Variants in HMCN1 observed in about 807,000 individuals in gnomAD.
The protein encoded by HMCN1 is hemicentin-1.
Under a neutral mutation model 625.9 loss-of-function variants are expected in HMCN1, and 321 were observed. The ratio of observed to expected loss-of-function variants is 0.51; its 90% CI spans 0.47 to 0.56. HMCN1 has a LOEUF of 0.56. Ranked by LOEUF, HMCN1 falls within the 20% of genes least tolerant of loss-of-function variation. HMCN1 has a pLI of 0.00. For missense variants in HMCN1, 6,588 were observed against 6,887.3 expected (o/e 0.96, Z 1.54); for synonymous variants, 2,425 against 2,417.6 (o/e 1.00, Z -0.09).
At chr1:185,962,742 C>G in intron 12 of HMCN1, 83 bp downstream of exon 12, 1 of 822,610 alleles carries the variant, frequency 1.2e-6, no homozygotes. Flanking sequence ...ATGACCAAAT[C>G]CCTAATATTA....
intron 2 of HMCN1, among the ~76,000 whole-genome samples, chr1:185,857,180 G>C (rs1208364331): frequency 6.6e-6 from 1 of 152,002 alleles, no homozygotes; most frequent in African/African-American, 2.4e-5. Flanking sequence ...TTTTATTCCA[G>C]GAGCAACATT....
At chr1:185,922,203 C>T (rs540334330) in intron 6 of HMCN1, among the ~76,000 whole-genome samples, 176 bp from the exon 7 acceptor site, 16 of 152,134 alleles carry the variant, frequency 1.1e-4, no homozygotes, top group African/African-American at 1.4e-4. Flanking sequence ...GTATGTATTA[C>T]GAAACTTGCA....
chr1:186,153,209 C>T (rs1278595927), intron 96 of HMCN1, among the ~76,000 whole-genome samples: 2 of 152,066 alleles, frequency 1.3e-5, no homozygotes, highest in East Asian at 3.9e-4. Flanking sequence ...TAACAATCGC[C>T]CTTTCACATC....
At chr1:185,915,093 T>C (rs946631962) in intron 6 of HMCN1, among the ~76,000 whole-genome samples, 39 of 152,172 alleles carry the variant, frequency 2.6e-4, no homozygotes, top group African/African-American at 8.7e-4. Context: ...TGTTCCATCT[T>C]AGGGCACTTT....
chr1:185,838,798 A>G (rs1661318999), intron 1 of HMCN1, among the ~76,000 whole-genome samples: 1 of 152,118 alleles, frequency 6.6e-6, no homozygotes, highest in Non-Finnish European at 1.5e-5. Flanking sequence ...TGTAGCTGAG[A>G]TTCCTTTCTT....
chr1:185,987,525 C>T lies in HMCN1; in HGVS notation c.3029C>T (p.Pro1010Leu), dbSNP rs148505034. The T allele has an allele frequency of 1.2e-6, 2 of 1,609,528 alleles. No individual in the cohort carries two copies. The highest frequency in any genetic ancestry group is 1.7e-6 in the Non-Finnish European group (2 of 1,176,018). ...TGCAAAGCAAGTGGAAATCCCAAAC[C>T]GTCTGTCATCTGGTCCAAGGTAAAT... ...LPCKASGNPKPSVIWSKKGEL... is the reference protein window; with the variant it reads ...LPCKASGNPKLSVIWSKKGEL... Residue 1010 changes from proline (P) to leucine (L), a missense_variant, in exon 20 of 107, where the codon CCG becomes CTG. Pro to Leu is a moderately conservative substitution (Grantham distance 98, BLOSUM62 -3). Coordinates refer to ENST00000271588, the MANE Select transcript of HMCN1 (RefSeq NM_031935.3).
At position 186,145,982 on chromosome 1, in the gene HMCN1, A is replaced by G. The variant is rs531569647; in HGVS notation, c.14608+59A>G. Reference sequence around the variant, plus strand: ...TAGAGCCTTTGTGCAAATTAGAGAAAGGTGCCACAAATTACAAAACAATGC... The same window carrying G: ...TAGAGCCTTTGTGCAAATTAGAGAAGGGTGCCACAAATTACAAAACAATGC... On this transcript the variant is annotated intron_variant, in intron 93 of 106. Coordinates refer to ENST00000271588, the MANE Select transcript of HMCN1 (RefSeq NM_031935.3). The G allele has an allele frequency of 3.0e-4, 459 of 1,555,554 alleles. 6 individuals carry two copies. In the South Asian group the frequency reaches 4.9e-3, roughly 17 times the overall value.
chr1:186,028,979 G>A (rs1655241120), intron 36 of HMCN1, among the ~76,000 whole-genome samples: 1 of 151,736 alleles, frequency 6.6e-6, no homozygotes, highest in Non-Finnish European at 1.5e-5. Flanking sequence ...TGATCCGTCC[G>A]CCTCAGCCTC....
At chr1:185,979,122 A>G (rs1021569905) in intron 16 of HMCN1, among the ~76,000 whole-genome samples, 2 of 152,282 alleles carry the variant, frequency 1.3e-5, no homozygotes, top group South Asian at 4.1e-4. Flanking sequence ...TCCCTCACTC[A>G]GGTAGTTTGC....
chr1:186,170,186 GGTGGAGAAA>G (rs1325769322), intron 100 of HMCN1, among the ~76,000 whole-genome samples: 2 of 151,924 alleles, frequency 1.3e-5, no homozygotes, highest in Non-Finnish European at 2.9e-5. Context: ...CTGGAGAGGA[GGTGGAGAAA>G]CAATAAGATG....
At chr1:186,166,378 C>A in intron 99 of HMCN1, 75 bp downstream of exon 99, 1 of 1,559,126 alleles carries the variant, frequency 6.4e-7, no homozygotes, top group Non-Finnish European at 8.8e-7. Flanking sequence ...TATGATAGAC[C>A]CATTATCTTC....
intron 64 of HMCN1, among the ~76,000 whole-genome samples, chr1:186,091,169 CTT>C (rs1325656728): frequency 2.6e-5 from 4 of 151,998 alleles, no homozygotes; most frequent in Non-Finnish European, 5.9e-5. Context: ...CTTTAACTAA[CTT>C]TAACTCATTA....
chr1:185,768,774 C>T (rs1230463633), intron 1 of HMCN1, among the ~76,000 whole-genome samples: 1 of 151,980 alleles, frequency 6.6e-6, no homozygotes, highest in Non-Finnish European at 1.5e-5. Context: ...AGTAGGACCC[C>T]ATCTCTATTT....
At chr1:185,897,895 T>TA (rs1179602539) in intron 4 of HMCN1, among the ~76,000 whole-genome samples, 3 of 152,198 alleles carry the variant, frequency 2.0e-5, no homozygotes, top group African/African-American at 7.2e-5. Flanking sequence ...TTTTCCTTGT[T>TA]ATGCATGTTA....
intron 65 of HMCN1, 100 bp from the exon 66 acceptor site, chr1:186,093,386 G>T (rs1571342655): frequency 6.3e-7 from 1 of 1,579,434 alleles, no homozygotes; most frequent in East Asian, 2.2e-5. Context: ...TTCCTTTTGG[G>T]CTACAATTTT....
chr1:185,950,408 C>T (rs1473388877), intron 11 of HMCN1, among the ~76,000 whole-genome samples: 1 of 151,862 alleles, frequency 6.6e-6, no homozygotes, highest in Non-Finnish European at 1.5e-5. Flanking sequence ...TAGGCTAAAA[C>T]AGTAAGGTCA....
intron 80 of HMCN1, among the ~76,000 whole-genome samples, chr1:186,121,533 G>GC (rs1480657210): frequency 6.6e-6 from 1 of 152,166 alleles, no homozygotes; most frequent in Non-Finnish European, 1.5e-5. Context: ...AGCTTCCTGG[G>GC]CTTCAGACTT....
Position 186,053,087 on chromosome 1 carries a change from C to T in HMCN1, c.6700+13C>T, listed in dbSNP as rs750778149. The T allele has an allele frequency of 6.2e-7, 1 of 1,601,890 alleles. No homozygotes were observed. The highest frequency in any genetic ancestry group is 8.5e-7 in the Non-Finnish European group (1 of 1,170,480). ...TGGAAGAAGAAAGGTCAGTTTTCAT[C>T]CTTGAAATTTATAAAATTAAAGAAA... On this transcript the variant is annotated intron_variant, in intron 43 of 106. Transcript: ENST00000271588.
chr1:185,996,636 C>T (rs1044623336), intron 24 of HMCN1, among the ~76,000 whole-genome samples: 2 of 151,638 alleles, frequency 1.3e-5, no homozygotes, highest in East Asian at 3.9e-4. Context: ...TTGTAGTAGC[C>T]CAGGTAAAAG....
Sources: gnomAD v4.1 joint callset for allele counts (sites outside exome capture counted in the v4.1 genomes callset) on GRCh38, gnomAD v4.1.1 for gene constraint, MANE v1.5 for transcripts, NCBI Gene and HGNC (gene_info 2026-07-23, HGNC 2026-07-21) for gene names.